Variants in ASTN2 observed in about 807,000 individuals in gnomAD.
The protein encoded by ASTN2 is astrotactin 2, also known as astrotactin-2.
Under a neutral mutation model 139.8 loss-of-function variants are expected in ASTN2, and 54 were observed. The ratio of observed to expected loss-of-function variants is 0.39; its 90% CI spans 0.31 to 0.48. The LOEUF (loss-of-function observed/expected upper bound fraction) is 0.48. Ranked by LOEUF, ASTN2 falls within the 20% of genes least tolerant of loss-of-function variation. The probability of loss-of-function intolerance (pLI) is 0.95; values close to 1 mark genes in which losing one functional copy is unlikely to be tolerated. For missense variants in ASTN2, 1,565 were observed against 1,725.1 expected, an observed-to-expected ratio of 0.91 and a Z score of 1.64; for synonymous variants, 756 against 719.5, an observed-to-expected ratio of 1.05 and a Z score of -0.81.
At chr9:117,246,147 A>G (rs1833376742) in intron 2 of ASTN2, among the ~76,000 whole-genome samples, 1 of 82,312 alleles carries the variant, frequency 1.2e-5, no homozygotes, top group South Asian at 3.9e-4. Flanking sequence ...GAAAACAAAC[A>G]AAAAAAAGCC....
intron 10 of ASTN2, among the ~76,000 whole-genome samples, chr9:116,950,105 C>T (rs145554735): frequency 0.015 from 2,320 of 152,122 alleles, 70 homozygotes; most frequent in Admixed American, 0.075. Context: ...TAGAAGAGGC[C>T]AAGCTTTCTC....
intron 10 of ASTN2, among the ~76,000 whole-genome samples, chr9:116,917,665 T>A (rs1834489072): frequency 6.6e-6 from 1 of 152,184 alleles, no homozygotes; most frequent in African/African-American, 2.4e-5. Flanking sequence ...TGTACATTAA[T>A]GACTTATAAA....
intron 20 of ASTN2, among the ~76,000 whole-genome samples, chr9:116,446,138 G>A (rs940660656): frequency 1.3e-5 from 2 of 151,732 alleles, no homozygotes; most frequent in Admixed American, 1.3e-4. Flanking sequence ...AAGTTGGGGG[G>A]GGACAGAGAC....
intron 20 of ASTN2, among the ~76,000 whole-genome samples, chr9:116,466,611 G>C (rs1469290559): frequency 6.6e-6 from 1 of 152,158 alleles, no homozygotes. Flanking sequence ...AGGCAATGCA[G>C]GGCAGAAGTT....
intron 11 of ASTN2, among the ~76,000 whole-genome samples, chr9:116,837,547 C>A (rs576175070): frequency 6.6e-6 from 1 of 152,318 alleles, no homozygotes; most frequent in East Asian, 1.9e-4. Context: ...GACTTTTCAT[C>A]ATCACCAAGC....
chr9:116,548,333 A>G (rs915017636), intron 19 of ASTN2, among the ~76,000 whole-genome samples: 1 of 152,130 alleles, frequency 6.6e-6, no homozygotes, highest in Non-Finnish European at 1.5e-5. Context: ...GACTCACAGC[A>G]TGACTCTGGA....
intron 2 of ASTN2, among the ~76,000 whole-genome samples, chr9:117,268,706 C>T (rs559345029): frequency 2.6e-4 from 39 of 152,118 alleles, no homozygotes; most frequent in Non-Finnish European, 3.8e-4. Context: ...TTGTTTCAAG[C>T]GGGTCAAAAC....
intron 16 of ASTN2, among the ~76,000 whole-genome samples, chr9:116,667,254 C>T (rs1412898168): frequency 2.0e-5 from 3 of 151,952 alleles, no homozygotes; most frequent in Non-Finnish European, 4.4e-5. Flanking sequence ...CCACACCTGG[C>T]CTTGATCCGT....
At chr9:117,387,266 A>G (rs1267921268) in intron 1 of ASTN2, among the ~76,000 whole-genome samples, 1 of 152,228 alleles carries the variant, frequency 6.6e-6, no homozygotes. Context: ...TTCAACAAAT[A>G]TCTTTTTAAT....
chr9:116,578,519 T>C (rs999978558), intron 19 of ASTN2, among the ~76,000 whole-genome samples: 2 of 150,856 alleles, frequency 1.3e-5, no homozygotes, highest in African/African-American at 4.9e-5. Context: ...TTTGAAATTA[T>C]GAAATCAGAA....
intron 1 of ASTN2, among the ~76,000 whole-genome samples, chr9:117,370,003 CG>C (rs1829947203): frequency 6.6e-6 from 1 of 152,008 alleles, no homozygotes; most frequent in Non-Finnish European, 1.5e-5. Flanking sequence ...AAGCGATGAG[CG>C]GGAAGCTACA....
intron 19 of ASTN2, among the ~76,000 whole-genome samples, chr9:116,488,110 G>A (rs929319165): frequency 6.6e-6 from 1 of 152,120 alleles, no homozygotes; most frequent in Non-Finnish European, 1.5e-5. Context: ...GTCATGGAAC[G>A]TTCACCATGT....
chr9:116,826,323 AC>A (rs1025550679), intron 11 of ASTN2, among the ~76,000 whole-genome samples: 5 of 152,186 alleles, frequency 3.3e-5, no homozygotes, highest in African/African-American at 1.2e-4. Flanking sequence ...CCTGAGAAGG[AC>A]CCCATCCTTT....
chr9:116,643,201 C>T (rs1857423778), intron 17 of ASTN2, among the ~76,000 whole-genome samples: 1 of 152,096 alleles, frequency 6.6e-6, no homozygotes, highest in Admixed American at 6.6e-5. Context: ...AGTTGGCACT[C>T]GATAATTGTT....
Position 117,414,478 on chromosome 9 carries a change from T to C in ASTN2, c.442+19A>G. 4 of 1,606,302 alleles carry C rather than the reference T, an allele frequency of 2.5e-6. No homozygotes were observed. In the South Asian group the frequency reaches 4.4e-5, roughly 18 times the overall value. On this transcript the variant is annotated intron_variant, in intron 1 of 22. Coordinates refer to ENST00000313400, the MANE Select transcript of ASTN2 (RefSeq NM_001365068.1). This position sits in a 1 kb window ranked among gnomAD's most constrained non-coding sequence, Gnocchi z 4.2. ...TCGGGGTTCCTTGGGATCTAGCGCGTGCCGGCGCCCAGCCTTACCCAGGGT... is the reference window on the plus strand; with the variant it reads ...TCGGGGTTCCTTGGGATCTAGCGCGCGCCGGCGCCCAGCCTTACCCAGGGT...
chr9:117,260,720 T>C (rs1284242147), intron 2 of ASTN2, among the ~76,000 whole-genome samples: 2 of 152,116 alleles, frequency 1.3e-5, no homozygotes, highest in African/African-American at 2.4e-5. Flanking sequence ...TAACTAACTG[T>C]GTGACCTGGA....
intron 1 of ASTN2, among the ~76,000 whole-genome samples, chr9:117,390,033 C>T (rs1830502294): frequency 6.6e-6 from 1 of 152,088 alleles, no homozygotes; most frequent in African/African-American, 2.4e-5. Flanking sequence ...TGGCTCTCAA[C>T]CCAGGTTGGC....
At chr9:116,972,450 T>A (rs1185428420) in intron 10 of ASTN2, among the ~76,000 whole-genome samples, 1 of 152,216 alleles carries the variant, frequency 6.6e-6, no homozygotes. Context: ...TCTATTCGTA[T>A]TTTTGTAAGT....
intron 1 of ASTN2, among the ~76,000 whole-genome samples, chr9:117,334,915 C>T (rs540934712): frequency 6.7e-4 from 102 of 152,216 alleles, no homozygotes; most frequent in African/African-American, 2.2e-3. Context: ...ATTAGCCAGG[C>T]GTGGTGGCCT....
Sources: gnomAD v4.1 joint callset for allele counts (sites outside exome capture counted in the v4.1 genomes callset) on GRCh38, gnomAD v4.1.1 for gene constraint, Gnocchi (gnomAD v3.1) non-coding constraint, MANE v1.5 for transcripts, NCBI Gene and HGNC (gene_info 2026-07-23, HGNC 2026-07-21) for gene names.